PSD3: variants seen among roughly 807,000 people sequenced by gnomAD.
PSD3 encodes PH and SEC7 domain-containing protein 3.
PSD3 carries 49 observed loss-of-function variants against 105.5 expected under a neutral mutation model. The ratio of observed to expected loss-of-function variants is 0.46; its 90% CI spans 0.37 to 0.59. The LOEUF (loss-of-function observed/expected upper bound fraction) is 0.59. Among genes scored for constraint, PSD3 ranks in the 20% least tolerant of loss-of-function variants. PSD3 has a pLI of 0.00. For synonymous variants in PSD3, 557 were observed against 457.8 expected (o/e 1.22, Z -2.77); for missense variants, 1,561 against 1,263.8 (o/e 1.24, Z -3.57).
chr8:18,804,847 G>A lies in PSD3; in HGVS notation c.1686C>T (p.Ser562=). ...TRLEAHSEMG[S]TEILEKETPE... is the part of the protein sequence containing the mutation. ...GGGTCTCCTTTTCCAAAATTTCAGT[G>A]CTCCCCATTTCAGAATGAGCTTCTA... is the stretch of plus-strand genomic sequence containing the variant. Residue 562 remains serine, a synonymous_variant, in exon 5 of 16, where the codon AGC becomes AGT. Transcript: ENST00000327040. The A allele has an allele frequency of 6.2e-7, 1 of 1,613,172 alleles. No homozygotes were observed. The highest frequency in any genetic ancestry group is 8.5e-7 in the Non-Finnish European group (1 of 1,179,176).
At chr8:18,539,045 C>G (rs1799998288) in intron 15 of PSD3, among the ~76,000 whole-genome samples, 1 of 152,182 alleles carries the variant, frequency 6.6e-6, no homozygotes, top group Non-Finnish European at 1.5e-5. Flanking sequence ...TTACAAAACC[C>G]AGAAATGTAG....
At chr8:19,067,743 C>T (rs1264130627) in intron 1 of PSD3, among the ~76,000 whole-genome samples, 3 of 152,170 alleles carry the variant, frequency 2.0e-5, no homozygotes, top group Non-Finnish European at 2.9e-5. Flanking sequence ...TCTCCAGAGA[C>T]CCACAGCAGT....
chr8:18,713,245 C>T (rs2129422882), intron 9 of PSD3, among the ~76,000 whole-genome samples: 1 of 152,246 alleles, frequency 6.6e-6, no homozygotes, highest in Non-Finnish European at 1.5e-5. Context: ...TGCCCTCTTT[C>T]ACCACTCGTA....
chr8:18,855,029 C>A lies in PSD3; in HGVS notation c.1634+12645G>T, dbSNP rs543912298. Among the ~76,000 whole-genome samples, 7 of 152,262 alleles carry A rather than the reference C, an allele frequency of 4.6e-5. No homozygotes were observed. In the East Asian group the frequency reaches 1.4e-3, roughly 29 times the overall value. The stretch of plus-strand genomic sequence containing the variant: ...TGAGATCCACTGGAAGCCGTGGCCG[C>A]CAGACCTAACCAATGGATGCCAGAG... On this transcript the variant is annotated intron_variant, in intron 4 of 15. Transcript: ENST00000327040.
In PSD3 at chr8:18,598,980, C is replaced by T. The variant is rs184177702; in HGVS notation, c.2481+1384G>A. Among the ~76,000 whole-genome samples the T allele has an allele frequency of 1.5e-3, 230 of 151,992 alleles. 2 individuals carry two copies. Among genetic ancestry groups the T allele is most frequent in the African/African-American group, 4.9e-3 (202 of 41,462 alleles). ...ATTAAAATGTCCATACTGCCCACAG[C>T]GACCTACATATTCAATAAAATCCCT... is the stretch of plus-strand genomic sequence containing the variant. On this transcript the variant is annotated intron_variant, in intron 12 of 15. Coordinates refer to ENST00000327040, the MANE Select transcript of PSD3 (RefSeq NM_015310.4).
Position 18,738,823 on chromosome 8 carries a change from G to A in PSD3, c.2172+26626C>T, listed in dbSNP as rs1039642258. Among the ~76,000 whole-genome samples, 16 of 148,634 alleles carry A rather than the reference G, an allele frequency of 1.1e-4. 1 individual carries two copies. The Middle Eastern group carries it at 0.014, about 128-fold the overall frequency. On this transcript the variant is annotated intron_variant, in intron 9 of 15. Transcript: ENST00000327040. ...AAGTAAGCTATACCACACCCGCTCC[G>A]AAAAAAAAAAACAAAAACAAAAAAA...
At chr8:18,780,658 A>G (rs892266032) in intron 8 of PSD3, among the ~76,000 whole-genome samples, 1 of 151,972 alleles carries the variant, frequency 6.6e-6, no homozygotes, top group Non-Finnish European at 1.5e-5. Context: ...GGTTCACGCC[A>G]TTCTCCTACC....
At chr8:18,986,291 C>T (rs951399400) in intron 1 of PSD3, among the ~76,000 whole-genome samples, 2 of 152,180 alleles carry the variant, frequency 1.3e-5, no homozygotes, top group Admixed American at 6.5e-5. Context: ...AAATTGTTTT[C>T]GCCCCTTGGT....
At chr8:18,782,735 T>C (rs1808761109) in intron 8 of PSD3, among the ~76,000 whole-genome samples, 2 of 152,152 alleles carry the variant, frequency 1.3e-5, no homozygotes, top group Non-Finnish European at 2.9e-5. Flanking sequence ...TGTCTGCGGC[T>C]GCAACAGCAG....
chr8:18,901,421 T>C (rs775313891), intron 2 of PSD3, among the ~76,000 whole-genome samples: 9 of 152,196 alleles, frequency 5.9e-5, no homozygotes, highest in Non-Finnish European at 1.0e-4. Flanking sequence ...TCCATTGACA[T>C]TCAAGGGTAT....
chr8:18,562,838 G>A (rs1801480489), intron 14 of PSD3, among the ~76,000 whole-genome samples: 2 of 151,986 alleles, frequency 1.3e-5, no homozygotes, highest in South Asian at 4.2e-4. Context: ...GCAGGGAGCC[G>A]AGATCATGCC....
rs200291771 is a variant in PSD3 at position 18,562,891 on chromosome 8, T to TAAAGAAAAAGAA, written c.2785-6551_2785-6540dup. 2.1e-3 allele frequency among the ~76,000 whole-genome samples: 265 copies of TAAAGAAAAAGAA among 128,824 alleles called. 1 individual carries two copies. Among genetic ancestry groups the TAAAGAAAAAGAA allele is most frequent in the African/African-American group, 7.8e-3 (260 of 33,138 alleles). The allele number at this position is 128,824 out of a possible 152,430, so 84.5% of individuals were successfully genotyped here. ...GCGACAGAGTGAGACTCTGTCTAGA[T>TAAAGAAAAAGAA]AAAGAAAAAGAAAAAGAAAAAGAAA... On this transcript the variant is annotated intron_variant, in intron 14 of 15. Transcript: ENST00000327040.
At chr8:19,028,390 T>A (rs1400885768) in intron 1 of PSD3, among the ~76,000 whole-genome samples, 1 of 151,020 alleles carries the variant, frequency 6.6e-6, no homozygotes, top group African/African-American at 2.4e-5. Context: ...TCTCTCTCTG[T>A]TGTCCAGGCT....
rs1817354636 is a variant in PSD3 at position 18,871,671 on chromosome 8, T to C, written c.1193A>G (p.Lys398Arg). 1 of 1,613,330 alleles carries C rather than the reference T, an allele frequency of 6.2e-7. No individual in the cohort carries two copies. The highest frequency in any genetic ancestry group is 8.5e-7 in the Non-Finnish European group (1 of 1,179,724). ...GEDEVFLQEN[K>R]QHLEKTPKPE... ...TTTAGGTGTCTTCTCAAGATGCTGT[T>C]TGTTTTCCTGTAGGAAGACTTCATC... The change falls in exon 3 of 16, where the codon AAA becomes AGA. Residue 398 changes from lysine (K) to arginine (R), a missense_variant. Physicochemically the swap from Lys to Arg is conservative, Grantham distance 26 (BLOSUM62 2). Coordinates refer to ENST00000327040, the MANE Select transcript of PSD3 (RefSeq NM_015310.4).
chr8:18,684,622 T>C (rs1418684225), intron 9 of PSD3, among the ~76,000 whole-genome samples: 1 of 152,212 alleles, frequency 6.6e-6, no homozygotes, highest in African/African-American at 2.4e-5. Context: ...TCTGAAGAAT[T>C]AAATGTTTCT....
At chr8:18,576,312 T>C (rs531521482) in intron 12 of PSD3, among the ~76,000 whole-genome samples, 2 of 152,324 alleles carry the variant, frequency 1.3e-5, no homozygotes, top group South Asian at 4.1e-4. Flanking sequence ...ATTATCCACA[T>C]TTATAATATT....
chr8:18,660,140 A>G (rs1202395147), intron 9 of PSD3, among the ~76,000 whole-genome samples: 2 of 152,192 alleles, frequency 1.3e-5, no homozygotes, highest in Admixed American at 1.3e-4. Context: ...TGAGATGGGG[A>G]ACGTACGTGG....
intron 2 of PSD3, among the ~76,000 whole-genome samples, chr8:18,883,878 A>G (rs1818284491): frequency 6.6e-6 from 1 of 152,198 alleles, no homozygotes. Flanking sequence ...CCTCCTTTCT[A>G]CATGTGATAT....
At chr8:18,739,242 C>A (rs1804380632) in intron 9 of PSD3, among the ~76,000 whole-genome samples, 1 of 152,058 alleles carries the variant, frequency 6.6e-6, no homozygotes, top group Non-Finnish European at 1.5e-5. Flanking sequence ...ATGATTCCCC[C>A]ACAAAAATAT....
Sources: allele counts gnomAD v4.1 joint callset (sites outside exome capture counted in the v4.1 genomes callset), GRCh38; gene constraint gnomAD v4.1.1; transcripts MANE v1.5; gene names NCBI Gene and HGNC (gene_info 2026-07-23, HGNC 2026-07-21).